The following PRKACB variants were observed in gnomAD, a reference collection of about 807,000 sequenced individuals.
The protein encoded by PRKACB is protein kinase cAMP-activated catalytic subunit beta, also known as cAMP-dependent protein kinase catalytic subunit beta.
In PRKACB, 16 loss-of-function variants were observed where a neutral mutation model predicts 51.4. That is an observed-to-expected ratio of 0.31 (90% confidence interval 0.21 to 0.47). The LOEUF (loss-of-function observed/expected upper bound fraction) is 0.47. PRKACB is among the 20% of genes least tolerant of loss of function. PRKACB has a pLI of 1.00. For missense variants in PRKACB, 309 were observed against 464.5 expected (o/e 0.67, Z 3.08); for synonymous variants, 147 against 154.4 (o/e 0.95, Z 0.35).
At chr1:84,227,376 T>C (rs1674793762) in intron 9 of PRKACB, among the ~76,000 whole-genome samples, 1 of 152,144 alleles carries the variant, frequency 6.6e-6, no homozygotes, top group African/African-American at 2.4e-5. Context: ...TATTGTTGTA[T>C]TTATTGTTAA....
chr1:84,080,460 T>C (rs1383288419), intron 1 of PRKACB, among the ~76,000 whole-genome samples: 1 of 152,198 alleles, frequency 6.6e-6, no homozygotes, highest in African/African-American at 2.4e-5. Flanking sequence ...TTATGGAAAC[T>C]GAAGGTCATT....
At chr1:84,145,535 C>G (rs1020748363) in intron 1 of PRKACB, among the ~76,000 whole-genome samples, 1 of 152,046 alleles carries the variant, frequency 6.6e-6, no homozygotes, top group South Asian at 2.1e-4. Flanking sequence ...AGCACCTTGA[C>G]AGTGTTATAG....
At position 84,179,168 on chromosome 1, in the gene PRKACB, T is replaced by C. The variant is rs1233399669; in HGVS notation, c.188-9T>C. On this transcript the variant is annotated splice_polypyrimidine_tract_variant and intron_variant, in intron 1 of 9. Transcript: ENST00000370685. ...CAAGATAAATTTGTTTTTATATGTA[T>C]ATTTTCAGTGAAAGAGTTTCTAGCC... 6.3e-7 allele frequency: 1 copy of C among 1,585,012 alleles called. No homozygotes were observed. The highest frequency in any genetic ancestry group is 8.6e-7 in the Non-Finnish European group (1 of 1,165,180).
chr1:84,144,233 A>G (rs1653727059), upstream of PRKACB: 1 of 1,466,670 alleles, frequency 6.8e-7, no homozygotes, highest in Non-Finnish European at 9.0e-7. Flanking sequence ...ACAGAACAGC[A>G]GTAGTGGTTT....
chr1:84,166,064 C>A (rs1288157424), intron 1 of PRKACB, among the ~76,000 whole-genome samples: 1 of 151,554 alleles, frequency 6.6e-6, no homozygotes, highest in African/African-American at 2.4e-5. Context: ...TATCCTGCTA[C>A]AGTACAATAT....
At chr1:84,151,224 A>G (rs1443480907) in intron 1 of PRKACB, among the ~76,000 whole-genome samples, 1 of 152,178 alleles carries the variant, frequency 6.6e-6, no homozygotes, top group African/African-American at 2.4e-5. Context: ...AGTTATGTTT[A>G]CTCTATAGTC....
Position 84,236,152 on chromosome 1 carries a change from A to G in PRKACB, c.*847A>G, listed in dbSNP as rs1572631790. 6.6e-6 allele frequency: 1 copy of G among 152,622 alleles called. No homozygotes were observed. The allele number at this position is 152,622 out of a possible 1,614,324, so 9.5% of individuals were successfully genotyped here. On this transcript the variant is annotated 3_prime_UTR_variant, in exon 10 of 10. Coordinates refer to ENST00000370685, the MANE Select transcript of PRKACB (RefSeq NM_182948.4). ...TCTAAACCTTAACTGTTCCTTAAGG[A>G]TTTTAGCCAGTATTTTAATAGAACA...
upstream of PRKACB, among the ~76,000 whole-genome samples, chr1:84,140,920 T>C (rs750521383): frequency 2.0e-5 from 3 of 152,146 alleles, no homozygotes; most frequent in Non-Finnish European, 2.9e-5. Flanking sequence ...TAATAATACC[T>C]GTGCTGCTTA....
intron 5 of PRKACB, among the ~76,000 whole-genome samples, chr1:84,193,386 CAAAAT>C (rs1667347553): frequency 6.6e-6 from 1 of 151,852 alleles, no homozygotes; most frequent in Admixed American, 6.6e-5. Flanking sequence ...ATATCAAAGT[CAAAAT>C]AAAAATATAG....
At chr1:84,085,794 G>A in intron 1 of PRKACB, 1 of 393,126 alleles carries the variant, frequency 2.5e-6, no homozygotes, top group Non-Finnish European at 4.7e-6. Flanking sequence ...TCTCCAGGAA[G>A]CCCTCTCAGG....
At chr1:84,144,753 A>G (rs1653811924) in intron 1 of PRKACB, among the ~76,000 whole-genome samples, 1 of 152,102 alleles carries the variant, frequency 6.6e-6, no homozygotes, top group Non-Finnish European at 1.5e-5. Context: ...GTATGGTTTT[A>G]TTTTTGACTA....
chr1:84,189,476 T>C (rs1666120769), intron 5 of PRKACB, among the ~76,000 whole-genome samples: 1 of 148,924 alleles, frequency 6.7e-6, no homozygotes, highest in East Asian at 1.9e-4. Context: ...AAAAAAGTTC[T>C]AGGAGTTGAG....
At chr1:84,180,305 A>C (rs1408494482) in intron 2 of PRKACB, among the ~76,000 whole-genome samples, 1 of 149,646 alleles carries the variant, frequency 6.7e-6, no homozygotes, top group Non-Finnish European at 1.5e-5. Context: ...AGTGAAGTGA[A>C]AGTAACTCAG....
At chr1:84,222,755 A>G (rs778414492) in intron 9 of PRKACB, among the ~76,000 whole-genome samples, 1 of 152,122 alleles carries the variant, frequency 6.6e-6, no homozygotes, top group East Asian at 1.9e-4. Flanking sequence ...TTCATTTTTG[A>G]AGAAAGGTTT....
At chr1:84,187,248 C>G (rs1490588954) in intron 5 of PRKACB, among the ~76,000 whole-genome samples, 2 of 152,064 alleles carry the variant, frequency 1.3e-5, no homozygotes, top group Non-Finnish European at 2.9e-5. Flanking sequence ...ACTAGATGAA[C>G]TGAAAGAATT....
intron 9 of PRKACB, among the ~76,000 whole-genome samples, chr1:84,227,788 A>T (rs1319477587): frequency 6.6e-6 from 1 of 152,240 alleles, no homozygotes; most frequent in East Asian, 1.9e-4. Flanking sequence ...AAAATAGCAG[A>T]GTACTTTAAC....
chr1:84,230,783 G>T (rs1359728842), intron 9 of PRKACB, among the ~76,000 whole-genome samples: 6 of 148,996 alleles, frequency 4.0e-5, no homozygotes, highest in Non-Finnish European at 7.4e-5. Flanking sequence ...CATTGATTTT[G>T]TATCCTGAGA....
chr1:84,108,628 A>C (rs1394530949), intron 1 of PRKACB, among the ~76,000 whole-genome samples: 1 of 152,038 alleles, frequency 6.6e-6, no homozygotes, highest in Admixed American at 6.6e-5. Flanking sequence ...TAAGGAGTGT[A>C]CTTTTATTAA....
chr1:84,111,828 G>GATATATATATATATAT (rs569118584), intron 1 of PRKACB, among the ~76,000 whole-genome samples: 96 of 151,804 alleles, frequency 6.3e-4, no homozygotes, highest in African/African-American at 2.1e-3. Context: ...TGCAAGACCT[G>GATATATATATATATAT]ATATATATAT....
Sources: allele counts gnomAD v4.1 joint callset (sites outside exome capture counted in the v4.1 genomes callset), GRCh38; gene constraint gnomAD v4.1.1; transcripts MANE v1.5; gene names NCBI Gene and HGNC (gene_info 2026-07-23, HGNC 2026-07-21).